Variants in KCNIP4 observed in about 807,000 individuals in gnomAD.
KCNIP4 encodes Kv channel-interacting protein 4.
A neutral mutation model predicts 34.0 loss-of-function variants in KCNIP4; 12 were observed. That is an observed-to-expected ratio of 0.35 (90% CI 0.23 to 0.57). KCNIP4 has a LOEUF of 0.57. Ranked by LOEUF, KCNIP4 falls within the 20% of genes least tolerant of loss-of-function variation. The pLI, the probability that KCNIP4 is intolerant of heterozygous loss-of-function variation, is 0.83. For synonymous variants in KCNIP4, 124 were observed against 102.2 expected (o/e 1.21, Z -1.29); for missense variants, 238 against 311.7 (o/e 0.76, Z 1.78).
chr4:21,230,895 G>A (rs909789708), intron 1 of KCNIP4, among the ~76,000 whole-genome samples: 8 of 152,226 alleles, frequency 5.3e-5, no homozygotes, highest in African/African-American at 1.7e-4. Context: ...AGGATTTCTG[G>A]ATCAAATGGT....
intron 1 of KCNIP4, among the ~76,000 whole-genome samples, chr4:20,958,936 G>C (rs1385522357): frequency 6.6e-6 from 1 of 152,112 alleles, no homozygotes; most frequent in Non-Finnish European, 1.5e-5. Context: ...GACAGCGCTG[G>C]GGATTAACCT....
rs533846155 is a variant in KCNIP4 at position 21,716,336 on chromosome 4, A to T, written c.61+232235T>A. Among the ~76,000 whole-genome samples the T allele has an allele frequency of 7.2e-5, 11 of 152,130 alleles. 2 individuals are homozygous for T. Among genetic ancestry groups the T allele is most frequent in the African/African-American group, 2.7e-4 (11 of 41,496 alleles). On this transcript the variant is annotated intron_variant, in intron 1 of 8. Transcript: ENST00000382152. ...ACTGCACCCTCTGCCTCCCGGGTTC[A>T]AGCGATTCTTCTGCCTCAGTCTCCT... is the stretch of plus-strand genomic sequence containing the variant.
chr4:21,931,710 G>A lies in KCNIP4; in HGVS notation c.61+16861C>T, dbSNP rs565591858. On this transcript the variant is annotated intron_variant, in intron 1 of 8. Coordinates refer to ENST00000382152, the MANE Select transcript of KCNIP4 (RefSeq NM_025221.6). Reference sequence around the variant, plus strand: ...GCATTTGGGTTGGTTCCAAGTCTTTGCTATCGTGAATAGTGCCGCAATAAA... The same window carrying A: ...GCATTTGGGTTGGTTCCAAGTCTTTACTATCGTGAATAGTGCCGCAATAAA... Among the ~76,000 whole-genome samples, 24 of 152,166 alleles carry A rather than the reference G, an allele frequency of 1.6e-4. No individual in the cohort carries two copies. The South Asian group carries it at 2.7e-3, about 17-fold the overall frequency.
At chr4:20,983,649 C>T (rs150040463) in intron 1 of KCNIP4, among the ~76,000 whole-genome samples, 2,475 of 152,306 alleles carry the variant, frequency 0.016, 17 homozygotes, top group Non-Finnish European at 0.027. Context: ...TATCAAATAT[C>T]TAGATAAACC....
chr4:21,088,507 G>T (rs1359513645), intron 1 of KCNIP4, among the ~76,000 whole-genome samples: 1 of 152,014 alleles, frequency 6.6e-6, no homozygotes, highest in African/African-American at 2.4e-5. Context: ...CAAAACTTAT[G>T]ATATCAATCT....
At chr4:21,887,463 A>G (rs756224346) in intron 1 of KCNIP4, among the ~76,000 whole-genome samples, 7 of 152,040 alleles carry the variant, frequency 4.6e-5, no homozygotes, top group Admixed American at 2.0e-4. Context: ...AACCACCATC[A>G]CATTTGGGAT....
chr4:21,789,704 A>C (rs1196332618), intron 1 of KCNIP4, among the ~76,000 whole-genome samples: 1 of 152,192 alleles, frequency 6.6e-6, no homozygotes, highest in Non-Finnish European at 1.5e-5. Context: ...CATAAACAAA[A>C]GATTTAATTT....
At chr4:21,643,238 T>C (rs2109238689) in intron 1 of KCNIP4, among the ~76,000 whole-genome samples, 1 of 152,304 alleles carries the variant, frequency 6.6e-6, no homozygotes, top group Non-Finnish European at 1.5e-5. Context: ...GACTTTATAT[T>C]ATAGTACTTA....
chr4:21,190,037 A>G (rs183361400), intron 1 of KCNIP4, among the ~76,000 whole-genome samples: 1 of 152,340 alleles, frequency 6.6e-6, no homozygotes, highest in East Asian at 1.9e-4. Flanking sequence ...TTTCAGAAAT[A>G]TGAGACTAGA....
At chr4:21,103,936 A>C (rs1415141401) in intron 1 of KCNIP4, among the ~76,000 whole-genome samples, 1 of 152,040 alleles carries the variant, frequency 6.6e-6, no homozygotes, top group Non-Finnish European at 1.5e-5. Context: ...ATGGCTGCAT[A>C]GTATTCCATG....
chr4:21,017,184 A>C (rs1052101219), intron 1 of KCNIP4, among the ~76,000 whole-genome samples: 3 of 152,142 alleles, frequency 2.0e-5, no homozygotes, highest in African/African-American at 7.2e-5. Context: ...ATAAAATATA[A>C]ATTATTTTAT....
At chr4:21,591,908 G>T (rs1742251748) in intron 1 of KCNIP4, among the ~76,000 whole-genome samples, 1 of 152,072 alleles carries the variant, frequency 6.6e-6, no homozygotes, top group Admixed American at 6.6e-5. Flanking sequence ...TTAACAGAAA[G>T]AATAAATTGT....
intron 1 of KCNIP4, among the ~76,000 whole-genome samples, chr4:21,493,021 A>T (rs1732540016): frequency 6.6e-6 from 1 of 152,148 alleles, no homozygotes; most frequent in African/African-American, 2.4e-5. Context: ...CTTATGAGAG[A>T]AACAGCAGGC....
chr4:21,698,574 A>T (rs1712583329), intron 1 of KCNIP4, among the ~76,000 whole-genome samples: 1 of 152,188 alleles, frequency 6.6e-6, no homozygotes. Context: ...TCTCTGAAAA[A>T]GTGGTTTTCC....
At chr4:20,880,144 T>C (rs531924885) in intron 2 of KCNIP4, among the ~76,000 whole-genome samples, 1 of 152,334 alleles carries the variant, frequency 6.6e-6, no homozygotes, top group East Asian at 1.9e-4. Context: ...ACATAATTAG[T>C]ACATATACAT....
chr4:21,066,122 G>T (rs1744359886), intron 1 of KCNIP4, among the ~76,000 whole-genome samples: 1 of 151,922 alleles, frequency 6.6e-6, no homozygotes, highest in Admixed American at 6.6e-5. Flanking sequence ...TCATTCATGT[G>T]GTTTGTTTAT....
At chr4:21,353,397 T>A (rs1397615834) in intron 1 of KCNIP4, among the ~76,000 whole-genome samples, 2 of 151,936 alleles carry the variant, frequency 1.3e-5, no homozygotes, top group Non-Finnish European at 2.9e-5. Context: ...GTAAAAACCT[T>A]GAAAAAAGGT....
chr4:20,846,550 G>A (rs184813472), intron 3 of KCNIP4, among the ~76,000 whole-genome samples: 1 of 152,132 alleles, frequency 6.6e-6, no homozygotes, highest in African/African-American at 2.4e-5. Flanking sequence ...ATTTTTAATA[G>A]ATTAAGGACT....
At chr4:21,018,523 G>A (rs778559558) in intron 1 of KCNIP4, among the ~76,000 whole-genome samples, 2 of 152,060 alleles carry the variant, frequency 1.3e-5, no homozygotes, top group African/African-American at 2.4e-5. Context: ...AGGATGCGAT[G>A]GAAGGCTTCT....
Sources: allele counts gnomAD v4.1 joint callset (sites outside exome capture counted in the v4.1 genomes callset), GRCh38; gene constraint gnomAD v4.1.1; transcripts MANE v1.5; gene names NCBI Gene and HGNC (gene_info 2026-07-23, HGNC 2026-07-21).